Variants in DGKA observed in about 807,000 individuals in gnomAD.
DGKA encodes the protein diacylglycerol kinase alpha.
Under a neutral mutation model 105.0 loss-of-function variants are expected in DGKA, and 35 were observed. The ratio of observed to expected loss-of-function variants is 0.33; its 90% confidence interval spans 0.25 to 0.44. The LOEUF is 0.44. Among genes scored for constraint, DGKA ranks in the 20% least tolerant of loss-of-function variants. DGKA has a pLI of 1.00. For synonymous variants in DGKA, 296 were observed against 332.0 expected (o/e 0.89, Z 1.18); for missense variants, 665 against 915.0 (o/e 0.73, Z 3.53).
chr12:55,946,010 A>C (rs1432439833), intron 17 of DGKA, among the ~76,000 whole-genome samples: 1 of 151,560 alleles, frequency 6.6e-6, no homozygotes. Context: ...CTGGTCTCGA[A>C]CTCCTGACCT....
Position 55,940,613 on chromosome 12 carries a change from TC to T in DGKA, c.919-10del. 1.3e-6 allele frequency: 2 copies of T among 1,570,806 alleles called. No homozygotes were observed. ...CCTTCGTGATCTCTCTGTGCCCACC[TC>T]GTCTTTCAGATCCACGATGACTGCC... On this transcript the variant is annotated splice_polypyrimidine_tract_variant and intron_variant, in intron 11 of 23. Transcript: ENST00000331886. This position sits in a 1 kb window ranked among gnomAD's most constrained non-coding sequence, Gnocchi z 4.3.
chr12:55,938,882 ATATGGCTGTGGC>A (rs755620859), intron 6 of DGKA, 21 bp from the exon 7 acceptor site: 1 of 1,613,312 alleles, frequency 6.2e-7, no homozygotes, highest in South Asian at 1.1e-5. Context: ...AGTAAAGGGG[ATATGGCTGTGGC>A]TCTTGCCCTT....
chr12:55,937,115 T>C, intron 3 of DGKA, 25 bp downstream of exon 3: 1 of 1,612,718 alleles, frequency 6.2e-7, no homozygotes, highest in Non-Finnish European at 8.5e-7. Flanking sequence ...GGAAATCTTC[T>C]TCTTGATCAA....
rs1884989340 is a variant in DGKA at position 55,937,453 on chromosome 12, G to A, written c.184G>A (p.Glu62Lys). 6.2e-7 allele frequency: 1 copy of A among 1,614,084 alleles called. No homozygotes were observed. Among genetic ancestry groups the A allele is most frequent in the Non-Finnish European group, 8.5e-7 (1 of 1,180,018 alleles). ...GFQQFLKIYLEVDNVPRHLSL... is the reference protein window; with the variant it reads ...GFQQFLKIYLKVDNVPRHLSL... ...CCAGCAATTCCTGAAAATCTATCTCGAAGTGGATAATGTTCCCAGACACCT... is the reference window on the plus strand; with the variant it reads ...CCAGCAATTCCTGAAAATCTATCTCAAAGTGGATAATGTTCCCAGACACCT... Residue 62 changes from glutamate to lysine, a missense_variant, in exon 4 of 24, where the codon GAA becomes AAA. Transcript: ENST00000331886.
In DGKA at chr12:55,934,977, G is replaced by A. The variant is rs554053709; in HGVS notation, c.-81-1446G>A. Among the ~76,000 whole-genome samples the A allele has an allele frequency of 7.2e-5, 11 of 152,304 alleles. 1 individual carries two copies. The East Asian group carries it at 1.5e-3, about 21-fold the overall frequency. Reference sequence around the variant, plus strand: ...AAGGAGCACAGTGAGACCAGATGGCGGGGTGTGAGGAGAGAGTGGAACAAG... The same window carrying A: ...AAGGAGCACAGTGAGACCAGATGGCAGGGTGTGAGGAGAGAGTGGAACAAG... On this transcript the variant is annotated intron_variant, in intron 1 of 23. Coordinates refer to ENST00000331886, the MANE Select transcript of DGKA (RefSeq NM_001345.5).
At chr12:55,948,046 C>T (rs1022714598) in intron 17 of DGKA, among the ~76,000 whole-genome samples, 1 of 152,082 alleles carries the variant, frequency 6.6e-6, no homozygotes, top group Admixed American at 6.5e-5. Context: ...CCACCTCGGC[C>T]TCCCAAAGTG....
chr12:55,953,183 C>T (rs1332572675), intron 22 of DGKA, 23 bp downstream of exon 22: 1 of 1,613,864 alleles, frequency 6.2e-7, no homozygotes. Flanking sequence ...CCACCAGGGT[C>T]CCTGAGGGAA....
chr12:55,937,661 A>C (rs977971512), intron 4 of DGKA, 118 bp downstream of exon 4: 2 of 1,357,434 alleles, frequency 1.5e-6, no homozygotes, highest in African/African-American at 1.4e-5. Context: ...AAATTGGTGG[A>C]GAATAGTCAG....
intron 17 of DGKA, among the ~76,000 whole-genome samples, chr12:55,950,275 C>T (rs1887900022): frequency 6.6e-6 from 1 of 150,756 alleles, no homozygotes; most frequent in Non-Finnish European, 1.5e-5. Context: ...GCCCGGCCTA[C>T]ACCTGGCTAA....
chr12:55,937,179 C>T (rs1884920796), intron 3 of DGKA, 89 bp downstream of exon 3: 2 of 1,424,296 alleles, frequency 1.4e-6, no homozygotes, highest in Admixed American at 1.7e-5. Context: ...TCTGGGCCTG[C>T]CCCTCACTAT....
chr12:55,939,480 T>A lies in DGKA; in HGVS notation c.660T>A (p.Asn220Lys). The A allele has an allele frequency of 1.2e-6, 2 of 1,614,192 alleles. No individual in the cohort carries two copies. The highest frequency in any genetic ancestry group is 2.2e-5 in the South Asian group (2 of 91,084). ...PKRFPRPVYCNLCESSIGLGK... is the reference protein window; with the variant it reads ...PKRFPRPVYCKLCESSIGLGK... ...GGTTCCCCAGACCAGTCTACTGCAA[T>A]CTGTGCGAGTCAAGCATTGGTCTTG... The change falls in exon 9 of 24, where the codon AAT becomes AAA. Residue 220 changes from asparagine to lysine, a missense_variant. Asn to Lys is a moderately conservative substitution (Grantham distance 94). Coordinates refer to ENST00000331886, the MANE Select transcript of DGKA (RefSeq NM_001345.5).
chr12:55,937,372 G>T (rs1399774969), intron 3 of DGKA, 36 bp from the exon 4 acceptor site: 2 of 1,605,426 alleles, frequency 1.2e-6, no homozygotes, highest in Non-Finnish European at 1.7e-6. Flanking sequence ...CTCTGACCTT[G>T]CAGACTCCCC....
chr12:55,927,595 G>T, upstream of DGKA: 1 of 1,220,660 alleles, frequency 8.2e-7, no homozygotes, highest in Non-Finnish European at 1.1e-6. Context: ...AGGGACGGTT[G>T]GAGACCCTAT....
At position 55,937,012 on chromosome 12, in the gene DGKA, C is replaced by A. The variant is rs1435493044; in HGVS notation, c.65-5C>A. On this transcript the variant is annotated splice_polypyrimidine_tract_variant and splice_region_variant and intron_variant, in intron 2 of 23. Transcript: ENST00000331886. ...TGCTGTTCTCTTACTCTCTCTACACCCTAGACTCCACCAAAAAGGTCAGTG... is the reference window on the plus strand; with the variant it reads ...TGCTGTTCTCTTACTCTCTCTACACACTAGACTCCACCAAAAAGGTCAGTG... 5.0e-6 allele frequency: 8 copies of A among 1,613,654 alleles called. No individual in the cohort carries two copies. The highest frequency in any genetic ancestry group is 6.8e-6 in the Non-Finnish European group (8 of 1,179,744).
At chr12:55,949,841 A>G (rs1887785508) in intron 17 of DGKA, among the ~76,000 whole-genome samples, 1 of 152,018 alleles carries the variant, frequency 6.6e-6, no homozygotes, top group Non-Finnish European at 1.5e-5. Context: ...TTGTTTTGAG[A>G]TAGTCTTGCT....
At chr12:55,945,807 TA>T (rs1886870185) in intron 17 of DGKA, among the ~76,000 whole-genome samples, 1 of 151,664 alleles carries the variant, frequency 6.6e-6, no homozygotes, top group Non-Finnish European at 1.5e-5. Context: ...TTTTTTTTTT[TA>T]AGACAGAGTC....
At chr12:55,951,878 C>A (rs1888223125) in intron 18 of DGKA, 95 bp downstream of exon 18, 1 of 1,535,944 alleles carries the variant, frequency 6.5e-7, no homozygotes, top group Non-Finnish European at 8.9e-7. Context: ...GTTAAGTGAC[C>A]TGTGACACAG....
rs1266502397 is a variant in DGKA, at chr12:55,952,991, A to G, written c.1943-49A>G. The stretch of plus-strand genomic sequence containing the variant: ...GGACGAAGGGAAAGTGTGACTCCCT[A>G]TGGGGATACCCTGTTTATGTAAAAC... On this transcript the variant is annotated intron_variant, in intron 21 of 23. Transcript: ENST00000331886. The surrounding 1 kb of genome is among the most constrained non-coding windows in gnomAD (Gnocchi z 5.1). 1.9e-6 allele frequency: 3 copies of G among 1,614,076 alleles called. No homozygotes were observed. Among genetic ancestry groups the G allele is most frequent in the Non-Finnish European group, 8.5e-7 (1 of 1,179,978 alleles).
At chr12:55,939,973 T>A (rs1885557929) in intron 9 of DGKA, 109 bp from the exon 10 acceptor site, 1 of 1,015,528 alleles carries the variant, frequency 9.8e-7, no homozygotes, top group Non-Finnish European at 1.5e-6. Flanking sequence ...TTTATTCTGC[T>A]ACACCCTCAA....
Sources: gnomAD v4.1 joint callset for allele counts (sites outside exome capture counted in the v4.1 genomes callset) on GRCh38, gnomAD v4.1.1 for gene constraint, Gnocchi (gnomAD v3.1) non-coding constraint, MANE v1.5 for transcripts, NCBI Gene and HGNC (gene_info 2026-07-23, HGNC 2026-07-21) for gene names.